Variants in PANK4 observed in about 807,000 individuals in gnomAD.
The protein encoded by PANK4 is pantothenate kinase 4 (inactive).
In PANK4, 40 loss-of-function variants were observed where a neutral mutation model predicts 87.9. The ratio of observed to expected loss-of-function variants is 0.46; its 90% confidence interval spans 0.35 to 0.59. The LOEUF (loss-of-function observed/expected upper bound fraction) is 0.59. PANK4 is among the 20% of genes least tolerant of loss of function. The probability of loss-of-function intolerance (pLI) is 0.00; values close to 1 mark genes in which losing one functional copy is unlikely to be tolerated. For missense variants in PANK4, 926 were observed against 1,072.3 expected (o/e 0.86, Z 1.90); for synonymous variants, 524 against 467.4 (o/e 1.12, Z -1.56).
intron 9 of PANK4, among the ~76,000 whole-genome samples, chr1:2,517,582 G>A (rs1643804519): frequency 6.6e-6 from 1 of 152,240 alleles, no homozygotes; most frequent in South Asian, 2.1e-4. Flanking sequence ...GGCTGACGCA[G>A]GTCCTGGCGG....
intron 15 of PANK4, among the ~76,000 whole-genome samples, chr1:2,511,098 G>T (rs1435173120): frequency 6.6e-6 from 1 of 152,208 alleles, no homozygotes; most frequent in African/African-American, 2.4e-5. Flanking sequence ...TGGCCTGCAG[G>T]GGCCAGTGCC....
At position 2,508,913 on chromosome 1, in the gene PANK4, C is replaced by T; in HGVS notation, c.2256G>A (p.Trp752Ter). Residue 752 changes from tryptophan to a stop codon, truncating the protein, a stop_gained, in exon 19 of 19, where the codon TGG (tryptophan) becomes TGA (stop). Transcript: ENST00000378466. LOFTEE classifies it high-confidence loss of function. This position sits in a 1 kb window ranked among gnomAD's most constrained non-coding sequence, Gnocchi z 5.1. ...GCCGGCCGCCCAGCCGCTCGGCCAG[C>T]CACGCGTTCTTGATGACGGCCAGCT... ...SLKLAVIKNA[W>*]LAERLGGRLF... 1 of 1,610,556 alleles carries T rather than the reference C, an allele frequency of 6.2e-7. No homozygotes were observed. Among genetic ancestry groups the T allele is most frequent in the Non-Finnish European group, 8.5e-7 (1 of 1,179,016 alleles).
rs1406944887 is a variant in PANK4, at chr1:2,520,565, A to C, written c.607-151T>G. ...CTCATGGCCAAGCCTGGGGGCGCTGATGCCCCTCCCACAGAGGCTCTGAGC... is the reference window on the plus strand; with the variant it reads ...CTCATGGCCAAGCCTGGGGGCGCTGCTGCCCCTCCCACAGAGGCTCTGAGC... On this transcript the variant is annotated intron_variant, in intron 4 of 18. Coordinates refer to ENST00000378466, the MANE Select transcript of PANK4 (RefSeq NM_018216.4). The surrounding 1 kb of genome is among the most constrained non-coding windows in gnomAD (Gnocchi z 6.2). The C allele has an allele frequency of 1.2e-6, 1 of 843,284 alleles. No homozygotes were observed. The highest frequency in any genetic ancestry group is 1.8e-5 in the African/African-American group (1 of 54,578). 52.2% of individuals were successfully genotyped at this position (843,284 alleles called of 1,614,324 possible).
intron 9 of PANK4, among the ~76,000 whole-genome samples, chr1:2,517,187 G>A (rs896044964): frequency 5.3e-5 from 8 of 152,148 alleles, no homozygotes; most frequent in African/African-American, 1.7e-4. Context: ...CCAGAGCCTC[G>A]CCCCCACTCC....
chr1:2,521,428 C>T lies in PANK4; in HGVS notation c.208-113G>A, dbSNP rs997998277. 8.1e-5 allele frequency: 73 copies of T among 899,036 alleles called. 1 individual carries two copies. Among genetic ancestry groups the T allele is most frequent in the African/African-American group, 4.2e-4 (26 of 61,284 alleles). The allele number at this position is 899,036 out of a possible 1,614,324, so 55.7% of individuals were successfully genotyped here. On this transcript the variant is annotated intron_variant, in intron 2 of 18. Transcript: ENST00000378466. ...TTCGCGCCAGCCTTCAACCAGGCGGCGCTCTGAGGCAGAATCCTGGGCAAG... is the reference window on the plus strand; with the variant it reads ...TTCGCGCCAGCCTTCAACCAGGCGGTGCTCTGAGGCAGAATCCTGGGCAAG...
At position 2,526,560 on chromosome 1, in the gene PANK4, C is replaced by T. The variant is rs765031213; in HGVS notation, c.28G>A (p.Gly10Arg). Residue 10 changes from glycine (G) to arginine (R), a missense_variant, in exon 1 of 19, where the codon GGG becomes AGG. Physicochemically the swap from Gly to Arg is moderately radical, Grantham distance 125. Coordinates refer to ENST00000378466, the MANE Select transcript of PANK4 (RefSeq NM_018216.4). ...TTGTCCAGACTGTCCCCGCTGCTCC[C>T]GCTGCCGCTCGCTCCACACTCCGCC... MAECGASGS[G>R]SSGDSLDKSI... The T allele has an allele frequency of 3.1e-6, 5 of 1,602,382 alleles. No individual in the cohort carries two copies. Among genetic ancestry groups the T allele is most frequent in the South Asian group, 1.1e-5 (1 of 89,942 alleles).
chr1:2,521,629 C>A, intron 2 of PANK4, 89 bp downstream of exon 2: 1 of 1,037,610 alleles, frequency 9.6e-7, no homozygotes, highest in East Asian at 2.4e-5. Context: ...AGGTCTGCAG[C>A]AGCAGAGGGA....
intron 1 of PANK4, among the ~76,000 whole-genome samples, chr1:2,524,690 G>A (rs1326588526): frequency 6.6e-6 from 1 of 152,232 alleles, no homozygotes; most frequent in East Asian, 1.9e-4. Context: ...AACATCCACG[G>A]TGAGCCCTGT....
Position 2,509,123 on chromosome 1 carries a change from G to A in PANK4, c.2109-63C>T. On this transcript the variant is annotated intron_variant, in intron 18 of 18. Transcript: ENST00000378466. This position sits in a 1 kb window ranked among gnomAD's most constrained non-coding sequence, Gnocchi z 4.9. Reference sequence around the variant, plus strand: ...GACCCCAGACCCCACTTCCCATACAGTGCGGCGACCAACGTGAAGGCTGAA... The same window carrying A: ...GACCCCAGACCCCACTTCCCATACAATGCGGCGACCAACGTGAAGGCTGAA... 7.7e-7 allele frequency: 1 copy of A among 1,300,758 alleles called. No homozygotes were observed. Among genetic ancestry groups the A allele is most frequent in the Admixed American group, 2.1e-5 (1 of 48,140 alleles). 80.6% of individuals were successfully genotyped at this position (1,300,758 alleles called of 1,614,324 possible).
intron 1 of PANK4, among the ~76,000 whole-genome samples, chr1:2,524,441 G>C (rs771688508): frequency 6.6e-6 from 1 of 152,224 alleles, no homozygotes; most frequent in Non-Finnish European, 1.5e-5. Context: ...AGGTCTCTCA[G>C]TATCAGTCAA....
chr1:2,526,471 G>C lies in PANK4; in HGVS notation c.117C>G (p.Ile39Met). ...CGCCCGGCCTGCGGCTACCTATGTC[G>C]ATGGCGAAGCGCTTGGCGTTCTCCA... Reference protein sequence around the residue: ...RNLENAKRFAIDIGGSLTKLA... With the variant: ...RNLENAKRFAMDIGGSLTKLA... Residue 39 changes from isoleucine to methionine, a missense_variant, in exon 1 of 19, where the codon ATC becomes ATG. By Grantham distance (10) the Ile-to-Met change is conservative (BLOSUM62 1). Transcript: ENST00000378466. 1 of 1,552,416 alleles carries C rather than the reference G, an allele frequency of 6.4e-7. No homozygotes were observed. Among genetic ancestry groups the C allele is most frequent in the Non-Finnish European group, 8.7e-7 (1 of 1,151,754 alleles).
At position 2,520,072 on chromosome 1, in the gene PANK4, C is replaced by T. The variant is rs912662038; in HGVS notation, c.700-118G>A. Reference sequence around the variant, plus strand: ...GGGCAGGGGGTAAATGGGCCCTCATCGCGTGGGACCAAAGGCAGGAGGCGG... The same window carrying T: ...GGGCAGGGGGTAAATGGGCCCTCATTGCGTGGGACCAAAGGCAGGAGGCGG... On this transcript the variant is annotated intron_variant, in intron 5 of 18. Transcript: ENST00000378466. This position sits in a 1 kb window ranked among gnomAD's most constrained non-coding sequence, Gnocchi z 6.2. 1.5e-5 allele frequency: 15 copies of T among 998,834 alleles called. No homozygotes were observed. The highest frequency in any genetic ancestry group is 3.2e-4 in the Middle Eastern group (1 of 3,080). The allele number at this position is 998,834 out of a possible 1,614,324, so 61.9% of individuals were successfully genotyped here.
At chr1:2,513,205 C>T (rs182301559) in intron 12 of PANK4, among the ~76,000 whole-genome samples, 166 bp from the exon 13 acceptor site, 6 of 152,370 alleles carry the variant, frequency 3.9e-5, no homozygotes, top group East Asian at 3.9e-4. Context: ...CAGTGGCCAG[C>T]GCACAGCTGC....
Position 2,519,119 on chromosome 1 carries a change from TGGGGAGGGC to T in PANK4, c.1035+15_1035+23del. 6.2e-7 allele frequency: 1 copy of T among 1,602,436 alleles called. No homozygotes were observed. Among genetic ancestry groups the T allele is most frequent in the Non-Finnish European group, 8.5e-7 (1 of 1,172,610 alleles). On this transcript the variant is annotated intron_variant, in intron 7 of 18. Transcript: ENST00000378466. This position sits in a 1 kb window ranked among gnomAD's most constrained non-coding sequence, Gnocchi z 8.3. The stretch of plus-strand genomic sequence containing the variant: ...ATCCTGGGGGGTCTGCGTTAGAGGC[TGGGGAGGGC>T]GGCGCATCCGTTACCTTGGAGAAGA...
rs1643870043 is a variant in PANK4 at position 2,520,964 on chromosome 1, C to A, written c.423-58G>T. On this transcript the variant is annotated intron_variant, in intron 3 of 18. Transcript: ENST00000378466. This position sits in a 1 kb window ranked among gnomAD's most constrained non-coding sequence, Gnocchi z 6.2. ...TGGGCCACAGACAGGTGCAACCATG[C>A]AAGCCTGCCTGGTCCGAAGGGGCAG... is the stretch of plus-strand genomic sequence containing the variant. 1.3e-6 allele frequency: 2 copies of A among 1,530,362 alleles called. No individual in the cohort carries two copies. The highest frequency in any genetic ancestry group is 1.4e-5 in the African/African-American group (1 of 72,352). The allele number at this position is 1,530,362 out of a possible 1,614,324, so 94.8% of individuals were successfully genotyped here.
chr1:2,517,700 G>C (rs1214969595), intron 9 of PANK4, among the ~76,000 whole-genome samples: 1 of 152,268 alleles, frequency 6.6e-6, no homozygotes, highest in Admixed American at 6.5e-5. Context: ...TCCAAGGAAT[G>C]AGCCGGGACA....
Position 2,514,440 on chromosome 1 carries a change from C to G in PANK4, c.1401G>C (p.Gln467His). 6.2e-7 allele frequency: 1 copy of G among 1,611,620 alleles called. No individual in the cohort carries two copies. Residue 467 changes from glutamine to histidine, a missense_variant, in exon 11 of 19, where the codon CAG becomes CAC. Coordinates refer to ENST00000378466, the MANE Select transcript of PANK4 (RefSeq NM_018216.4). ...DGVVKRAVAS[Q>H]PDSVDAAERA... ...TCTCGGCTGCATCCACAGAGTCTGG[C>G]TGGCTCGCCACTGCGCGCTTCACTA...
chr1:2,523,647 G>A (rs188978019), intron 1 of PANK4, among the ~76,000 whole-genome samples: 5 of 152,348 alleles, frequency 3.3e-5, no homozygotes, highest in Non-Finnish European at 5.9e-5. Context: ...ACCCCTGCAC[G>A]GAGAGGCCCA....
intron 1 of PANK4, 192 bp downstream of exon 1, chr1:2,526,272 C>G (rs1490151902): frequency 5.7e-6 from 1 of 175,962 alleles, no homozygotes; most frequent in Non-Finnish European, 1.1e-5. Flanking sequence ...GCCCCGAGCC[C>G]GCGCATCAGC....
Sources: allele counts gnomAD v4.1 joint callset (sites outside exome capture counted in the v4.1 genomes callset), GRCh38; gene constraint gnomAD v4.1.1; non-coding constraint Gnocchi (gnomAD v3.1); transcripts MANE v1.5; gene names NCBI Gene and HGNC (gene_info 2026-07-23, HGNC 2026-07-21).